Variants in TEX11 observed in about 807,000 individuals in gnomAD.
The protein encoded by TEX11 is testis-expressed protein 11.
TEX11 carries 7 observed loss-of-function variants against 84.4 expected under a neutral mutation model. That is an observed-to-expected ratio of 0.08 (90% CI 0.05 to 0.16). TEX11 has a LOEUF of 0.16. TEX11 is among the 10% of genes least tolerant of loss of function. TEX11 has a pLI of 1.00. For synonymous variants in TEX11, 264 were observed against 222.8 expected (o/e 1.18, Z -1.64); for missense variants, 551 against 660.5 (o/e 0.83, Z 1.82).
rs187858073 is a variant in TEX11, at chrX:70,624,426, G to A, written c.1694+413C>T. Among the ~76,000 whole-genome samples the A allele has an allele frequency of 6.1e-3, 681 of 111,539 alleles. 10 individuals carry two copies. The highest frequency in any genetic ancestry group is 0.021 in the African/African-American group (643 of 30,777). Reference sequence around the variant, plus strand: ...CTTTGAAGGGATCTGGCAGCATAATGACAAACTGACAAAATAAGGTAGTTG... The same window carrying A: ...CTTTGAAGGGATCTGGCAGCATAATAACAAACTGACAAAATAAGGTAGTTG... On this transcript the variant is annotated intron_variant, in intron 19 of 29. Coordinates refer to ENST00000374333, the MANE Select transcript of TEX11 (RefSeq NM_031276.3).
rs1308773134 is a variant in TEX11 at position 70,645,537 on chromosome X, T to C, written c.1483+5913A>G. Among the ~76,000 whole-genome samples, 3 of 87,848 alleles carry C rather than the reference T, an allele frequency of 3.4e-5. 1 individual carries two copies. The Admixed American group carries it at 3.7e-4, about 11-fold the overall frequency. 76.3% of individuals were successfully genotyped at this position (87,848 alleles called of 115,157 possible). A position where few individuals can be genotyped will look rare whatever the true frequency, so the allele number is the denominator to read the frequency against. ...ACATGATCTTATATATAGAAAACCT[T>C]ACAGAGGCAATGAAAAAAAATTTAG... On this transcript the variant is annotated intron_variant, in intron 17 of 29. Transcript: ENST00000374333.
Position 70,603,790 on chromosome X carries a change from C to T in TEX11, c.2067+1611G>A, listed in dbSNP as rs961655965. ...AACCTACAACATGGGAGAAAATTTT[C>T]GCAACCTACTCATCTGACAAAGGGC... On this transcript the variant is annotated intron_variant, in intron 24 of 29. Transcript: ENST00000374333. Among the ~76,000 whole-genome samples the T allele has an allele frequency of 9.1e-5, 10 of 110,238 alleles. No homozygotes were observed. In the Admixed American group the frequency reaches 9.7e-4, roughly 11 times the overall value.
chrX:70,580,562 G>A (rs57770323), intron 25 of TEX11, among the ~76,000 whole-genome samples: 9,318 of 110,901 alleles, frequency 0.084, 856 homozygotes, highest in African/African-American at 0.27. Context: ...AACAATAAAT[G>A]GATACACTTA....
chrX:70,818,665 C>A (rs1421845772), intron 8 of TEX11, among the ~76,000 whole-genome samples: 1 of 110,746 alleles, frequency 9.0e-6, no homozygotes, highest in East Asian at 2.8e-4. Flanking sequence ...AAGCATCCCC[C>A]TTTGAGCTGG....
intron 9 of TEX11, among the ~76,000 whole-genome samples, chrX:70,756,204 C>A (rs2090866915): frequency 8.9e-6 from 1 of 112,662 alleles, no homozygotes; most frequent in Non-Finnish European, 1.9e-5. Flanking sequence ...GAACAAAAGG[C>A]AGCAGATAGC....
chrX:70,855,549 G>A (rs2091531568), intron 5 of TEX11, among the ~76,000 whole-genome samples: 1 of 106,981 alleles, frequency 9.3e-6, no homozygotes, highest in Admixed American at 1.0e-4. Context: ...TTGGGCGATA[G>A]AGTGAGACTC....
intron 9 of TEX11, among the ~76,000 whole-genome samples, chrX:70,788,879 T>C (rs1356530109): frequency 1.1e-5 from 1 of 90,518 alleles, no homozygotes; most frequent in African/African-American, 4.1e-5. Flanking sequence ...GTGCAAAGAG[T>C]CAACCTACAG....
At chrX:70,606,361 C>T (rs1346472078) in intron 23 of TEX11, among the ~76,000 whole-genome samples, 2 of 111,808 alleles carry the variant, frequency 1.8e-5, no homozygotes, top group African/African-American at 6.5e-5. Flanking sequence ...TTCTTTAGTC[C>T]TTCTCCTTTT....
intron 16 of TEX11, among the ~76,000 whole-genome samples, chrX:70,661,056 T>C (rs953410277): frequency 1.8e-5 from 2 of 112,054 alleles, no homozygotes; most frequent in African/African-American, 6.5e-5. Context: ...ACACCGAGCG[T>C]GAGCTGAAGC....
At chrX:70,598,967 G>C (rs926846476) in intron 24 of TEX11, among the ~76,000 whole-genome samples, 8 of 111,765 alleles carry the variant, frequency 7.2e-5, no homozygotes, top group Non-Finnish European at 1.5e-4. Flanking sequence ...TCTAAAATTA[G>C]ATTGTATCAA....
intron 8 of TEX11, 147 bp downstream of exon 8, chrX:70,833,366 A>C: frequency 4.3e-6 from 2 of 459,818 alleles, no homozygotes; most frequent in South Asian, 7.6e-5. Flanking sequence ...TAAAGAACAA[A>C]GGAAGCAAAA....
intron 8 of TEX11, among the ~76,000 whole-genome samples, chrX:70,826,673 C>G (rs1385424730): frequency 9.0e-6 from 1 of 111,684 alleles, no homozygotes; most frequent in Non-Finnish European, 1.9e-5. Flanking sequence ...AGAAAAAAGT[C>G]ATGCTGGGTT....
Position 70,754,771 on chromosome X carries a change from A to AAG in TEX11, c.693-10554_693-10553dup, listed in dbSNP as rs754531451. The stretch of plus-strand genomic sequence containing the variant: ...AGAGAGAGAAAGAGAGAAAGAGAGA[A>AAG]AGAGAGAGAGAGAGAGAGACTCTGT... On this transcript the variant is annotated intron_variant, in intron 9 of 29. Transcript: ENST00000374333. Among the ~76,000 whole-genome samples, 880 of 107,626 alleles carry AAG rather than the reference A, an allele frequency of 8.2e-3. 31 individuals carry two copies. In the South Asian group the frequency reaches 0.15, roughly 19 times the overall value. 93.5% of individuals were successfully genotyped at this position (107,626 alleles called of 115,157 possible).
At chrX:70,814,604 A>G (rs1329795194) in intron 8 of TEX11, among the ~76,000 whole-genome samples, 2 of 113,035 alleles carry the variant, frequency 1.8e-5, no homozygotes, top group Non-Finnish European at 3.7e-5. Flanking sequence ...TGGCTACAAA[A>G]TGGTAAATTT....
chrX:70,873,083 A>G, intron 4 of TEX11, 140 bp downstream of exon 4: 1 of 388,287 alleles, frequency 2.6e-6, no homozygotes, highest in African/African-American at 2.5e-5. Context: ...TTGAGAAACC[A>G]TTGTTCCTGG....
intron 8 of TEX11, among the ~76,000 whole-genome samples, chrX:70,818,396 A>C (rs2091301211): frequency 9.0e-6 from 1 of 111,574 alleles, no homozygotes; most frequent in Non-Finnish European, 1.9e-5. Context: ...AGAACAGAAC[A>C]GTTTTATTTT....
At chrX:70,645,350 G>C (rs1439592831) in intron 17 of TEX11, among the ~76,000 whole-genome samples, 1 of 110,403 alleles carries the variant, frequency 9.1e-6, no homozygotes, top group African/African-American at 3.3e-5. Flanking sequence ...CATACTCAAT[G>C]GTGAATAGTT....
At chrX:70,851,156 C>T (rs1167057535) in intron 7 of TEX11, among the ~76,000 whole-genome samples, 1 of 111,638 alleles carries the variant, frequency 9.0e-6, no homozygotes, top group African/African-American at 3.2e-5. Context: ...TTAAAAAGAA[C>T]AAAACTGGAG....
chrX:70,835,263 T>C (rs1187195406), intron 7 of TEX11, among the ~76,000 whole-genome samples: 1 of 112,089 alleles, frequency 8.9e-6, no homozygotes, highest in Non-Finnish European at 1.9e-5. Flanking sequence ...TATAAAACAA[T>C]ATGAGACTTT....
Sources: allele counts gnomAD v4.1 joint callset (sites outside exome capture counted in the v4.1 genomes callset), GRCh38; gene constraint gnomAD v4.1.1; transcripts MANE v1.5; gene names NCBI Gene and HGNC (gene_info 2026-07-23, HGNC 2026-07-21).